ASAH1: variants seen among roughly 807,000 people sequenced by gnomAD.
ASAH1 encodes acid ceramidase.
Under a neutral mutation model 59.5 loss-of-function variants are expected in ASAH1, and 70 were observed. The ratio of observed to expected loss-of-function variants is 1.18; its 90% CI spans 0.97 to 1.43. The LOEUF is 1.43. ASAH1 is among the 40% of genes most tolerant of loss of function. The pLI is 0.00. For missense variants in ASAH1, 660 were observed against 482.5 expected (o/e 1.37, Z -3.45); for synonymous variants, 213 against 166.5 (o/e 1.28, Z -2.15).
chr8:18,070,907 TAAATA>T (rs1421427227), intron 3 of ASAH1, among the ~76,000 whole-genome samples: 1 of 151,890 alleles, frequency 6.6e-6, no homozygotes, highest in Non-Finnish European at 1.5e-5. Context: ...GGAAAATAAA[TAAATA>T]AAATAAGAAA....
At chr8:18,061,523 G>A (rs556081671) in intron 9 of ASAH1, 65 bp from the exon 10 acceptor site, 38 of 1,457,408 alleles carry the variant, frequency 2.6e-5, no homozygotes, top group East Asian at 2.5e-4. Flanking sequence ...GTCAGGACCC[G>A]GAAGAGGCTG....
chr8:18,084,055 G>C lies in ASAH1; in HGVS notation c.4C>G (p.Pro2Ala), dbSNP rs1372823767. 27 of 1,598,550 alleles carry C rather than the reference G, an allele frequency of 1.7e-5. No individual in the cohort carries two copies. Among genetic ancestry groups the C allele is most frequent in the African/African-American group, 2.7e-5 (2 of 74,914 alleles). The stretch of plus-strand genomic sequence containing the variant: ...ACTAAGGCGACGCAACTCCGGCCCG[G>C]CATCGCTCTAGCAGCCAACGCCACT... M[P>A]GRSCVALVLL... The change falls in exon 1 of 14, where the codon CCG (proline) becomes GCG (alanine). Residue 2 changes from proline (P) to alanine (A), a missense_variant. By Grantham distance (27) the Pro-to-Ala change is conservative. Transcript: ENST00000637790.
upstream of ASAH1, chr8:18,084,588 G>A: frequency 2.5e-6 from 4 of 1,580,862 alleles, no homozygotes; most frequent in South Asian, 2.3e-5. Flanking sequence ...CATCCCCACC[G>A]CGGAGTCAGG....
intron 1 of ASAH1, 52 bp downstream of exon 1, chr8:18,083,929 C>T: frequency 6.4e-7 from 1 of 1,567,844 alleles, no homozygotes; most frequent in East Asian, 2.3e-5. Context: ...GCGCCTCCAT[C>T]CGCGCCCGCA....
intron 1 of ASAH1, among the ~76,000 whole-genome samples, chr8:18,080,842 G>A (rs1037783332): frequency 6.6e-6 from 1 of 152,208 alleles, no homozygotes; most frequent in Non-Finnish European, 1.5e-5. Flanking sequence ...ACAGGCATGA[G>A]CCACCGCGCC....
At chr8:18,083,391 G>A (rs1192742319) in intron 1 of ASAH1, 1 of 154,922 alleles carries the variant, frequency 6.5e-6, no homozygotes, top group African/African-American at 2.4e-5. Flanking sequence ...CTTGCAGTTA[G>A]GAAGTCCGTA....
At chr8:18,083,950 C>G in intron 1 of ASAH1, 31 bp downstream of exon 1, 1 of 1,591,028 alleles carries the variant, frequency 6.3e-7, no homozygotes, top group Non-Finnish European at 8.5e-7. Flanking sequence ...CCTGCACGCC[C>G]CTCTCTGCGC....
upstream of ASAH1, chr8:18,084,441 G>A (rs905529546): frequency 4.2e-5 from 57 of 1,361,708 alleles, no homozygotes; most frequent in Non-Finnish European, 5.2e-5. Flanking sequence ...CTAGCAGGCG[G>A]GTGCAGCCTG....
At position 18,071,227 on chromosome 8, in the gene ASAH1, C is replaced by A. The variant is rs115954509; in HGVS notation, c.216+73G>T. ...GTCTCAAAACAAAAAAAAAATCAAT[C>A]AATAAATAAAAATAAAGAAATAAAA... On this transcript the variant is annotated intron_variant, in intron 3 of 13. Coordinates refer to ENST00000637790, the MANE Select transcript of ASAH1 (RefSeq NM_177924.5). 4,250 of 832,424 alleles carry A rather than the reference C, an allele frequency of 5.1e-3. 89 individuals carry two copies. The African/African-American group carries it at 0.057, about 11-fold the overall frequency. The allele number at this position is 832,424 out of a possible 1,614,324, so 51.6% of individuals were successfully genotyped here.
chr8:18,084,008 G>C lies in ASAH1; in HGVS notation c.51C>G (p.Ser17Arg). The change falls in exon 1 of 14, where the codon AGC becomes AGG. Residue 17 changes from serine to arginine, a missense_variant. By Grantham distance (110) the Ser-to-Arg change is moderately radical. Transcript: ENST00000637790. ...GCGGCGCGTGCTGCGCGACGGCACAGCTGACGGCGGCAGCCAGGAGGACTA... is the reference window on the plus strand; with the variant it reads ...GCGGCGCGTGCTGCGCGACGGCACACCTGACGGCGGCAGCCAGGAGGACTA... ...VALVLLAAAV[S>R]CAVAQHAPPW... The C allele has an allele frequency of 1.3e-6, 2 of 1,598,250 alleles. No individual in the cohort carries two copies. The highest frequency in any genetic ancestry group is 1.7e-6 in the Non-Finnish European group (2 of 1,179,536).
chr8:18,064,733 C>T (rs752869312), intron 5 of ASAH1: 4 of 551,396 alleles, frequency 7.3e-6, no homozygotes, highest in Non-Finnish European at 9.6e-6. Flanking sequence ...ACCAAGGAGG[C>T]AGCCTTCGGG....
At position 18,064,491 on chromosome 8, in the gene ASAH1, G is replaced by A. The variant is rs1799847321; in HGVS notation, c.423C>T (p.Thr141=). The part of the protein sequence containing the change: ...ISFNIFYELF[T]ICTSIVAEDK... ...CTTCTGCTACTATTGAAGTACAAAT[G>A]GTAAATAATTCATAAAAAATATTGA... The change falls in exon 6 of 14, where the codon ACC becomes ACT. Residue 141 remains threonine (T), a synonymous_variant. Transcript: ENST00000637790. 2.5e-6 allele frequency: 4 copies of A among 1,580,562 alleles called. No homozygotes were observed. In the African/African-American group the frequency reaches 4.1e-5, roughly 16 times the overall value.
chr8:18,062,368 C>T lies in ASAH1; in HGVS notation c.559G>A (p.Val187Met), dbSNP rs140561726. 1.5e-5 allele frequency: 24 copies of T among 1,614,028 alleles called. No individual in the cohort carries two copies. Among genetic ancestry groups the T allele is most frequent in the Non-Finnish European group, 2.0e-5 (24 of 1,180,018 alleles). The change falls in exon 8 of 14, where the codon GTG (valine) becomes ATG (methionine). Residue 187 changes from valine to methionine, a missense_variant. By Grantham distance (21) the Val-to-Met change is conservative. Transcript: ENST00000637790. The part of the protein sequence containing the change: ...VITEQLKPLT[V>M]NLDFQRNNKT... Reference sequence around the variant, plus strand: ...TTGTTTCTTTGGAAATCCAAATTCACTGTTAAAGGTTTTAGTTGCTCAGTT... The same window carrying T: ...TTGTTTCTTTGGAAATCCAAATTCATTGTTAAAGGTTTTAGTTGCTCAGTT...
chr8:18,084,356 T>C (rs1189575664), upstream of ASAH1: 32 of 1,400,778 alleles, frequency 2.3e-5, no homozygotes, highest in Middle Eastern at 2.7e-4. Flanking sequence ...CCGCGGGCAA[T>C]AGTCGGACCG....
intron 10 of ASAH1, chr8:18,061,109 A>AT (rs1455528349): frequency 7.6e-5 from 26 of 340,694 alleles, no homozygotes; most frequent in Non-Finnish European, 1.0e-4. Flanking sequence ...TGTGTGGGTC[A>AT]TTTTTTTTCT....
intron 6 of ASAH1, chr8:18,064,167 T>A: frequency 1.8e-6 from 1 of 550,376 alleles, no homozygotes; most frequent in South Asian, 2.6e-5. Flanking sequence ...CATCAAAGCA[T>A]GTAGATGGGT....
intron 6 of ASAH1, chr8:18,063,471 T>A (rs1799795648): frequency 8.8e-6 from 1 of 113,460 alleles, no homozygotes; most frequent in Admixed American, 1.2e-4. Flanking sequence ...ACCTGGCTAC[T>A]TTTTTTTTTT....
At position 18,065,282 on chromosome 8, in the gene ASAH1, T is replaced by G. The variant is rs181611756; in HGVS notation, c.383-751A>C. ...TCCATAAGGTATTTCTATTTGGTAT[T>G]GAGTTGCTAGAGTTCTTTACATAAT... On this transcript the variant is annotated intron_variant, in intron 5 of 13. Transcript: ENST00000637790. 67 of 152,164 alleles carry G rather than the reference T, an allele frequency of 4.4e-4. 1 individual carries two copies. The highest frequency in any genetic ancestry group is 3.1e-3 in the Admixed American group (47 of 15,272). The allele number at this position is 152,164 out of a possible 1,614,324, so 9.4% of individuals were successfully genotyped here. A position where few individuals can be genotyped will look rare whatever the true frequency, so the allele number is the denominator to read the frequency against.
chr8:18,080,196 T>C (rs373666407), intron 1 of ASAH1, among the ~76,000 whole-genome samples: 1 of 152,370 alleles, frequency 6.6e-6, no homozygotes, highest in African/African-American at 2.4e-5. Context: ...GCTGATTCAA[T>C]AGCTAATGTC....
Sources: allele counts gnomAD v4.1 joint callset (sites outside exome capture counted in the v4.1 genomes callset), GRCh38; gene constraint gnomAD v4.1.1; transcripts MANE v1.5; gene names NCBI Gene and HGNC (gene_info 2026-07-23, HGNC 2026-07-21).